The following WWOX variants were observed in gnomAD, a reference collection of about 807,000 sequenced individuals.
The protein encoded by WWOX is WW domain containing oxidoreductase, also known as WW domain-containing oxidoreductase.
In WWOX, 69 loss-of-function variants were observed where a neutral mutation model predicts 46.2. The observed-to-expected ratio is 1.49, with a 90% CI of 1.23 to 1.82. The LOEUF is 1.82. Ranked by LOEUF, WWOX falls within the 40% of genes most tolerant of loss-of-function variation. WWOX has a pLI of 0.00. For synonymous variants in WWOX, 359 were observed against 202.6 expected (o/e 1.77, Z -6.56); for missense variants, 919 against 542.6 (o/e 1.69, Z -6.89).
chr16:78,310,167 T>A (rs1190024084), intron 5 of WWOX, among the ~76,000 whole-genome samples: 1 of 152,144 alleles, frequency 6.6e-6, no homozygotes, highest in Non-Finnish European at 1.5e-5. Flanking sequence ...TATCCAAAAG[T>A]AATACAGAAT....
chr16:78,750,725 G>T (rs149087251), intron 8 of WWOX, among the ~76,000 whole-genome samples: 1 of 152,204 alleles, frequency 6.6e-6, no homozygotes, highest in East Asian at 1.9e-4. Context: ...GCTTCGACTT[G>T]TAAGTAAGAA....
chr16:79,014,283 C>G (rs1329246509), intron 8 of WWOX, among the ~76,000 whole-genome samples: 2 of 152,096 alleles, frequency 1.3e-5, no homozygotes, highest in African/African-American at 4.8e-5. Flanking sequence ...CATGCCCACC[C>G]GGTGATTTAT....
At position 78,354,312 on chromosome 16, in the gene WWOX, C is replaced by CTTTTTTTTTTTTTTTTTTTT. The variant is rs55635025; in HGVS notation, c.517-32534_517-32533insTTTTTTTTTTTTTTTTTTTT. 1.6e-5 allele frequency among the ~76,000 whole-genome samples: 2 copies of CTTTTTTTTTTTTTTTTTTTT among 123,306 alleles called. 1 individual carries two copies. The allele number at this position is 123,306 out of a possible 152,430, so 80.9% of individuals were successfully genotyped here. ...AGACAGTGTCTGCTGATGTGCTTAA[C>CTTTTTTTTTTTTTTTTTTTT]TTTTTTTTTTTTTTGGTCAGGTGTG... On this transcript the variant is annotated intron_variant, in intron 5 of 8. Transcript: ENST00000566780.
intron 8 of WWOX, among the ~76,000 whole-genome samples, chr16:79,211,034 A>AGTGTCTGT (rs1555547728): frequency 1.3e-5 from 2 of 149,602 alleles, no homozygotes; most frequent in East Asian, 2.0e-4. Context: ...TATGGTGAGG[A>AGTGTCTGT]GTGTGTGTGT....
intron 8 of WWOX, among the ~76,000 whole-genome samples, chr16:78,904,082 C>T (rs1481205493): frequency 6.6e-6 from 1 of 152,136 alleles, no homozygotes; most frequent in Non-Finnish European, 1.5e-5. Flanking sequence ...CAAAAGGGAT[C>T]AGGGTCCACC....
chr16:78,502,553 A>T (rs562110657), intron 8 of WWOX, among the ~76,000 whole-genome samples: 2 of 152,344 alleles, frequency 1.3e-5, no homozygotes, highest in East Asian at 3.9e-4. Context: ...ACGCCATTGT[A>T]TGGATATACC....
intron 5 of WWOX, among the ~76,000 whole-genome samples, chr16:78,234,275 T>C (rs1436152086): frequency 1.3e-5 from 2 of 152,232 alleles, no homozygotes; most frequent in African/African-American, 4.8e-5. Flanking sequence ...GTCTAGGTTA[T>C]TATACTTTTA....
chr16:79,086,508 C>G (rs1468784285), intron 8 of WWOX, among the ~76,000 whole-genome samples: 1 of 152,180 alleles, frequency 6.6e-6, no homozygotes, highest in Non-Finnish European at 1.5e-5. Context: ...TTTGTCAGTA[C>G]AGTACTATCC....
intron 8 of WWOX, among the ~76,000 whole-genome samples, chr16:78,881,653 G>A (rs900105307): frequency 2.0e-5 from 3 of 152,140 alleles, no homozygotes; most frequent in African/African-American, 7.2e-5. Context: ...TAGCTCCATT[G>A]TGTTAAATAC....
intron 8 of WWOX, among the ~76,000 whole-genome samples, chr16:79,026,625 T>TTG (rs1245077275): frequency 8.3e-5 from 12 of 144,020 alleles, no homozygotes; most frequent in Admixed American, 4.1e-4. Context: ...TTTTTTTTTT[T>TTG]TTTTTTTTTT....
chr16:78,541,620 C>T (rs1220259080), intron 8 of WWOX, among the ~76,000 whole-genome samples: 1 of 151,678 alleles, frequency 6.6e-6, no homozygotes, highest in East Asian at 1.9e-4. Flanking sequence ...ATGAACTTGG[C>T]CAGACAGACC....
intron 8 of WWOX, among the ~76,000 whole-genome samples, chr16:79,070,046 A>G (rs768470119): frequency 1.3e-5 from 2 of 152,368 alleles, no homozygotes; most frequent in Middle Eastern, 3.4e-3. Context: ...TCCAAAATAA[A>G]TGCAGAATAT....
intron 8 of WWOX, among the ~76,000 whole-genome samples, chr16:78,442,984 G>A (rs1347657051): frequency 3.3e-5 from 5 of 151,828 alleles, no homozygotes; most frequent in African/African-American, 4.8e-5. Context: ...TTAGCCAGGC[G>A]TGGTGGTGGG....
At chr16:78,670,138 C>T (rs1008252600) in intron 8 of WWOX, among the ~76,000 whole-genome samples, 3 of 152,096 alleles carry the variant, frequency 2.0e-5, no homozygotes, top group Admixed American at 6.5e-5. Flanking sequence ...TCAGTAGAGG[C>T]CAGCTGAGCT....
At chr16:79,128,588 G>A (rs929693319) in intron 8 of WWOX, among the ~76,000 whole-genome samples, 1 of 152,206 alleles carries the variant, frequency 6.6e-6, no homozygotes, top group South Asian at 2.1e-4. Context: ...ATAACGGTTT[G>A]ATTTCAGTAG....
At chr16:79,091,775 C>CTTTTTTTTTTTTTTTTTTTTTTTTT in intron 8 of WWOX, among the ~76,000 whole-genome samples, 1 of 126,854 alleles carries the variant, frequency 7.9e-6, no homozygotes, top group Non-Finnish European at 1.6e-5. Context: ...CTTTTCTTTT[C>CTTTTTTTTTTTTTTTTTTTTTTTTT]TTTGTTTTTT....
At chr16:78,451,752 GGTTT>G (rs908722712) in intron 8 of WWOX, among the ~76,000 whole-genome samples, 34 of 152,246 alleles carry the variant, frequency 2.2e-4, no homozygotes, top group African/African-American at 7.9e-4. Context: ...ACATCTTACT[GGTTT>G]CTGAGGGTAT....
At chr16:78,968,980 A>G (rs1164575228) in intron 8 of WWOX, among the ~76,000 whole-genome samples, 4 of 152,126 alleles carry the variant, frequency 2.6e-5, no homozygotes, top group Non-Finnish European at 5.9e-5. Context: ...TGTATAACAA[A>G]ATAGAACTTT....
intron 5 of WWOX, among the ~76,000 whole-genome samples, chr16:78,229,704 C>G (rs1344163081): frequency 6.6e-6 from 1 of 151,938 alleles, no homozygotes; most frequent in Non-Finnish European, 1.5e-5. Flanking sequence ...GTGTTGGTAG[C>G]TCATTTAAGC....
Sources: gnomAD v4.1 joint callset for allele counts (sites outside exome capture counted in the v4.1 genomes callset) on GRCh38, gnomAD v4.1.1 for gene constraint, MANE v1.5 for transcripts, NCBI Gene and HGNC (gene_info 2026-07-23, HGNC 2026-07-21) for gene names.